The following ACVR2A variants were observed in gnomAD, a reference collection of about 807,000 sequenced individuals.
ACVR2A encodes activin A receptor type 2A, also known as activin receptor type-2A.
A neutral mutation model predicts 61.4 loss-of-function variants in ACVR2A; 7 were observed. That is an observed-to-expected ratio of 0.11 (90% confidence interval 0.06 to 0.21). The LOEUF (loss-of-function observed/expected upper bound fraction) is 0.21, where lower values mean the gene tolerates loss of function less well. Ranked by LOEUF, ACVR2A falls within the 10% of genes least tolerant of loss-of-function variation. The probability of loss-of-function intolerance (pLI) is 1.00; values close to 1 mark genes in which losing one functional copy is unlikely to be tolerated. For synonymous variants in ACVR2A, 193 were observed against 208.3 expected (o/e 0.93, Z 0.63); for missense variants, 322 against 621.7 (o/e 0.52, Z 5.13).
chr2:147,923,178 A>C, intron 9 of ACVR2A, 67 bp downstream of exon 9: 2 of 1,493,284 alleles, frequency 1.3e-6, no homozygotes, highest in Non-Finnish European at 1.8e-6. Flanking sequence ...AAGGGATGAT[A>C]CACTCCAAGG....
intron 1 of ACVR2A, among the ~76,000 whole-genome samples, chr2:147,871,149 GT>G (rs1686003181): frequency 6.6e-6 from 1 of 151,866 alleles, no homozygotes; most frequent in African/African-American, 2.4e-5. Flanking sequence ...CTCCTGTCCT[GT>G]GCCTAGAGCT....
rs771206954 is a variant in ACVR2A at position 147,923,128 on chromosome 2, T to C, written c.1216+17T>C. The stretch of plus-strand genomic sequence containing the variant: ...CTGCAGATGGTAAGGGAAAAAAATA[T>C]TTTTAAAAAAGATATATATGCCTAC... On this transcript the variant is annotated intron_variant, in intron 9 of 10. Coordinates refer to ENST00000241416, the MANE Select transcript of ACVR2A (RefSeq NM_001616.5). 7.5e-6 allele frequency: 12 copies of C among 1,599,632 alleles called. No individual in the cohort carries two copies. The highest frequency in any genetic ancestry group is 9.4e-6 in the Non-Finnish European group (11 of 1,174,992).
intron 1 of ACVR2A, among the ~76,000 whole-genome samples, chr2:147,866,292 C>A (rs1177088821): frequency 6.6e-6 from 1 of 152,148 alleles, no homozygotes; most frequent in Non-Finnish European, 1.5e-5. Context: ...ATTGCCGTAG[C>A]CACCATGATA....
At chr2:147,874,305 T>C (rs1686099853) in intron 1 of ACVR2A, among the ~76,000 whole-genome samples, 1 of 151,882 alleles carries the variant, frequency 6.6e-6, no homozygotes, top group South Asian at 2.1e-4. Context: ...CTTCATAGAA[T>C]TACATGGATT....
rs181042455 is a variant in ACVR2A, at chr2:147,849,496, G to T, written c.55+4289G>T. On this transcript the variant is annotated intron_variant, in intron 1 of 10. Transcript: ENST00000241416. ...TACATAATTATCTTGAGAATCACTA[G>T]CTGGGTTTTGGTTACCGTTAGACTA... is the stretch of plus-strand genomic sequence containing the variant. 5.1e-4 allele frequency among the ~76,000 whole-genome samples: 78 copies of T among 152,192 alleles called. 1 individual carries two copies. The highest frequency in any genetic ancestry group is 2.2e-4 in the Non-Finnish European group (15 of 68,008).
chr2:147,918,608 A>T lies in ACVR2A; in HGVS notation c.962+16A>T, dbSNP rs1490725641. ...TATCTCACAGGTAGACTAAATTTATATTGTTTTCCCAGATAATTGAGTATA... is the reference window on the plus strand; with the variant it reads ...TATCTCACAGGTAGACTAAATTTATTTTGTTTTCCCAGATAATTGAGTATA... On this transcript the variant is annotated intron_variant, in intron 7 of 10. Coordinates refer to ENST00000241416, the MANE Select transcript of ACVR2A (RefSeq NM_001616.5). 6.3e-7 allele frequency: 1 copy of T among 1,587,550 alleles called. No individual in the cohort carries two copies. The highest frequency in any genetic ancestry group is 1.8e-5 in the Admixed American group (1 of 54,382).
chr2:147,914,753 G>A (rs1687208927), intron 4 of ACVR2A, among the ~76,000 whole-genome samples: 1 of 151,970 alleles, frequency 6.6e-6, no homozygotes, highest in African/African-American at 2.4e-5. Context: ...ACTGGAGAAA[G>A]TAATAGATCT....
intron 1 of ACVR2A, among the ~76,000 whole-genome samples, chr2:147,863,044 A>T (rs528507776): frequency 5.4e-4 from 82 of 152,316 alleles, no homozygotes; most frequent in South Asian, 1.7e-3. Flanking sequence ...TAGATAAGGA[A>T]ACTGAGACTC....
At chr2:147,900,060 T>C (rs906348327) in intron 4 of ACVR2A, among the ~76,000 whole-genome samples, 162 bp downstream of exon 4, 1 of 152,170 alleles carries the variant, frequency 6.6e-6, no homozygotes, top group African/African-American at 2.4e-5. Context: ...AACTTATTAA[T>C]GTACCTACCG....
intron 2 of ACVR2A, among the ~76,000 whole-genome samples, chr2:147,897,994 A>G (rs1004478936): frequency 6.6e-6 from 1 of 152,154 alleles, no homozygotes; most frequent in African/African-American, 2.4e-5. Context: ...AGGGATTCCT[A>G]TTCTTTTTTG....
chr2:147,860,425 G>A (rs929088784), intron 1 of ACVR2A, among the ~76,000 whole-genome samples: 8 of 151,972 alleles, frequency 5.3e-5, no homozygotes, highest in African/African-American at 1.9e-4. Context: ...TGTGGAAACT[G>A]GTAGCTTTGA....
At chr2:147,885,020 C>G (rs1292547429) in intron 1 of ACVR2A, among the ~76,000 whole-genome samples, 2 of 152,096 alleles carry the variant, frequency 1.3e-5, no homozygotes, top group Non-Finnish European at 2.9e-5. Flanking sequence ...TTCCCAACCT[C>G]TGTTTAACTT....
intron 9 of ACVR2A, among the ~76,000 whole-genome samples, chr2:147,923,625 A>G (rs1687437043): frequency 6.6e-6 from 1 of 151,976 alleles, no homozygotes; most frequent in Non-Finnish European, 1.5e-5. Flanking sequence ...TTTCTGGGTA[A>G]ATTTTCAGAC....
chr2:147,858,543 CT>C lies in ACVR2A; in HGVS notation c.55+13343del, dbSNP rs1232361083. Among the ~76,000 whole-genome samples the C allele has an allele frequency of 3.9e-5, 6 of 152,096 alleles. No homozygotes were observed. The East Asian group carries it at 9.6e-4, about 24-fold the overall frequency. ...ACCAACTGCTTTTTATTCCTCTGAGCTTTTTTTCACTTGTTTGTCTTCCATT... is the reference window on the plus strand; with the variant it reads ...ACCAACTGCTTTTTATTCCTCTGAGCTTTTTTCACTTGTTTGTCTTCCATT... On this transcript the variant is annotated intron_variant, in intron 1 of 10. Coordinates refer to ENST00000241416, the MANE Select transcript of ACVR2A (RefSeq NM_001616.5).
At chr2:147,917,997 CTCTTA>C (rs1301043329) in intron 6 of ACVR2A, among the ~76,000 whole-genome samples, 1 of 151,792 alleles carries the variant, frequency 6.6e-6, no homozygotes, top group East Asian at 1.9e-4. Flanking sequence ...TCTTTTACTT[CTCTTA>C]TCTTGACCTA....
intron 5 of ACVR2A, among the ~76,000 whole-genome samples, chr2:147,915,537 G>A (rs1232586167): frequency 6.6e-6 from 1 of 151,772 alleles, no homozygotes; most frequent in Non-Finnish European, 1.5e-5. Flanking sequence ...TGTCTGGAGT[G>A]GTGGAATTAA....
rs1050355756 is a variant in ACVR2A, at chr2:147,914,316, C to T, written c.529-875C>T. 2.0e-5 allele frequency among the ~76,000 whole-genome samples: 3 copies of T among 151,920 alleles called. No homozygotes were observed. In the Admixed American group the frequency reaches 2.0e-4, roughly 10 times the overall value. ...GGCTTCCTGCATCTTGCTTTAGTTG[C>T]AGATAGGGAACTGAGAGAATGCTTT... On this transcript the variant is annotated intron_variant, in intron 4 of 10. Transcript: ENST00000241416.
At chr2:147,859,907 C>T (rs1033671362) in intron 1 of ACVR2A, among the ~76,000 whole-genome samples, 1 of 152,130 alleles carries the variant, frequency 6.6e-6, no homozygotes, top group Non-Finnish European at 1.5e-5. Context: ...ATATGTTCTT[C>T]TTCCATTATA....
intron 4 of ACVR2A, among the ~76,000 whole-genome samples, chr2:147,906,047 A>G (rs547652551): frequency 5.9e-5 from 9 of 152,056 alleles, no homozygotes; most frequent in Non-Finnish European, 1.2e-4. Flanking sequence ...ACCAGACTAT[A>G]TAATTTATCC....
Sources: gnomAD v4.1 joint callset for allele counts (sites outside exome capture counted in the v4.1 genomes callset) on GRCh38, gnomAD v4.1.1 for gene constraint, MANE v1.5 for transcripts, NCBI Gene and HGNC (gene_info 2026-07-23, HGNC 2026-07-21) for gene names.